The following MED26 variants were observed in gnomAD, a reference collection of about 807,000 sequenced individuals.
The protein encoded by MED26 is mediator complex subunit 26.
MED26 carries 7 observed loss-of-function variants against 43.7 expected under a neutral mutation model. That is an observed-to-expected ratio of 0.16 (90% CI 0.09 to 0.30). MED26 has a LOEUF of 0.30. Ranked by LOEUF, MED26 falls within the 10% of genes least tolerant of loss-of-function variation. The pLI, the probability that MED26 is intolerant of heterozygous loss-of-function variation, is 1.00. For synonymous variants in MED26, 375 were observed against 371.1 expected (o/e 1.01, Z -0.12); for missense variants, 784 against 840.6 (o/e 0.93, Z 0.83).
chr19:16,597,039 G>T (rs541933917), intron 1 of MED26, among the ~76,000 whole-genome samples: 1 of 152,336 alleles, frequency 6.6e-6, no homozygotes, highest in East Asian at 1.9e-4. Flanking sequence ...AGATGCCAGA[G>T]GGGAACAGTG....
chr19:16,604,988 C>T (rs2086165933), intron 1 of MED26, among the ~76,000 whole-genome samples: 1 of 152,180 alleles, frequency 6.6e-6, no homozygotes, highest in Non-Finnish European at 1.5e-5. Context: ...CAGCACCCAC[C>T]AGCAGTGCCA....
At chr19:16,588,078 AC>A (rs2122396721) in intron 1 of MED26, 1 of 152,318 alleles carries the variant, frequency 6.6e-6, no homozygotes, top group East Asian at 1.9e-4. Flanking sequence ...TGCAGAACTT[AC>A]GATTCTTACT....
intron 1 of MED26, among the ~76,000 whole-genome samples, chr19:16,615,731 G>C (rs1002592854): frequency 2.0e-5 from 3 of 150,820 alleles, no homozygotes; most frequent in African/African-American, 7.3e-5. Context: ...GGGAGGCAGA[G>C]CAAGACTCCA....
At chr19:16,601,076 G>C (rs761220504) in intron 1 of MED26, among the ~76,000 whole-genome samples, 6 of 152,024 alleles carry the variant, frequency 3.9e-5, no homozygotes, top group Admixed American at 3.9e-4. Context: ...TTTACAAGCA[G>C]CTAAGGCACA....
rs777358965 is a variant in MED26, at chr19:16,609,311, CA to C, written c.72+18560del. 3.2e-3 allele frequency among the ~76,000 whole-genome samples: 79 copies of C among 25,060 alleles called. 1 individual carries two copies. Among genetic ancestry groups the C allele is most frequent in the African/African-American group, 4.7e-3 (41 of 8,796 alleles). 16.4% of individuals were successfully genotyped at this position (25,060 alleles called of 152,430 possible). On this transcript the variant is annotated intron_variant, in intron 1 of 2. Coordinates refer to ENST00000263390, the MANE Select transcript of MED26 (RefSeq NM_004831.5). ...TGGGTGACAGAGCGAGACTCCGTCT[CA>C]AAAAAAAAAAAAAAAAAAAAAAAAA...
At chr19:16,608,438 C>T (rs1350758821) in intron 1 of MED26, among the ~76,000 whole-genome samples, 1 of 152,200 alleles carries the variant, frequency 6.6e-6, no homozygotes. Context: ...AGTCTCTTTC[C>T]CAACCTCACA....
chr19:16,599,160 T>TC (rs1347297925), intron 1 of MED26, among the ~76,000 whole-genome samples: 1 of 152,208 alleles, frequency 6.6e-6, no homozygotes, highest in Non-Finnish European at 1.5e-5. Context: ...CCATTTTTTT[T>TC]CTACTTCACT....
At chr19:16,594,784 G>A (rs2086112886) in intron 1 of MED26, among the ~76,000 whole-genome samples, 1 of 152,108 alleles carries the variant, frequency 6.6e-6, no homozygotes, top group South Asian at 2.1e-4. Flanking sequence ...GTCAACCACA[G>A]CCACAGAAAA....
rs2086012561 is a variant in MED26 at position 16,577,191 on chromosome 19, C to T, written c.639G>A (p.Glu213=). 6.2e-7 allele frequency: 1 copy of T among 1,613,192 alleles called. No homozygotes were observed. The highest frequency in any genetic ancestry group is 1.7e-5 in the Admixed American group (1 of 60,014). The change falls in exon 3 of 3, where the codon GAG becomes GAA. Residue 213 remains glutamate (E), a synonymous_variant. Coordinates refer to ENST00000263390, the MANE Select transcript of MED26 (RefSeq NM_004831.5). This position sits in a 1 kb window ranked among gnomAD's most constrained non-coding sequence, Gnocchi z 8.1. ...GPEGSRLERD[E]NDKHSGKIPV... ...GGATCTTGCCACTGTGCTTGTCATT[C>T]TCGTCACGCTCCAGGCGGCTGCCCT... is the stretch of plus-strand genomic sequence containing the variant.
intron 1 of MED26, among the ~76,000 whole-genome samples, chr19:16,583,577 G>C (rs959162767): frequency 1.3e-5 from 2 of 152,272 alleles, no homozygotes; most frequent in Non-Finnish European, 2.9e-5. Context: ...ATGCAGCAAG[G>C]AGCACTCTGG....
At chr19:16,618,727 C>G (rs1199040776) in intron 1 of MED26, among the ~76,000 whole-genome samples, 10 of 152,202 alleles carry the variant, frequency 6.6e-5, no homozygotes, top group African/African-American at 2.2e-4. Flanking sequence ...CTTGATGTCT[C>G]CTGGGAACAT....
Position 16,615,597 on chromosome 19 carries a change from T to A in MED26, c.72+12275A>T, listed in dbSNP as rs373185117. Among the ~76,000 whole-genome samples, 197 of 151,992 alleles carry A rather than the reference T, an allele frequency of 1.3e-3. 1 individual carries two copies. Among genetic ancestry groups the A allele is most frequent in the African/African-American group, 4.4e-3 (181 of 41,456 alleles). Reference sequence around the variant, plus strand: ...CCCTGTTTCTACTAAAAATACAAAATTAGCTGGGTGTGGTGGCAGGCGCCT... The same window carrying A: ...CCCTGTTTCTACTAAAAATACAAAAATAGCTGGGTGTGGTGGCAGGCGCCT... On this transcript the variant is annotated intron_variant, in intron 1 of 2. Coordinates refer to ENST00000263390, the MANE Select transcript of MED26 (RefSeq NM_004831.5).
At chr19:16,615,835 C>T (rs2086223763) in intron 1 of MED26, among the ~76,000 whole-genome samples, 2 of 152,168 alleles carry the variant, frequency 1.3e-5, no homozygotes, top group African/African-American at 4.8e-5. Context: ...CTCCTCTGAC[C>T]AGGTCTTAAT....
At chr19:16,615,753 G>GA (rs34085264) in intron 1 of MED26, among the ~76,000 whole-genome samples, 233 of 134,552 alleles carry the variant, frequency 1.7e-3, no homozygotes, top group Admixed American at 2.7e-3. Context: ...CTCTGGGGGA[G>GA]AAAAAAAAAA....
intron 1 of MED26, among the ~76,000 whole-genome samples, chr19:16,600,993 C>G (rs2086145891): frequency 6.6e-6 from 1 of 151,694 alleles, no homozygotes; most frequent in South Asian, 2.1e-4. Flanking sequence ...ACTGGGGAGG[C>G]TGAGGCACGA....
intron 1 of MED26, chr19:16,597,369 C>T (rs546394362): frequency 4.0e-4 from 159 of 398,598 alleles, no homozygotes; most frequent in South Asian, 3.3e-3. Flanking sequence ...ACACATTCTC[C>T]GACATTCCCA....
intron 1 of MED26, among the ~76,000 whole-genome samples, chr19:16,592,914 A>C (rs2086104505): frequency 6.6e-6 from 1 of 152,196 alleles, no homozygotes; most frequent in African/African-American, 2.4e-5. Flanking sequence ...CTCTGTTTTA[A>C]AAACACAAGT....
rs536018527 is a variant in MED26 at position 16,621,750 on chromosome 19, G to A, written c.72+6122C>T. 2.6e-5 allele frequency among the ~76,000 whole-genome samples: 4 copies of A among 152,204 alleles called. No individual in the cohort carries two copies. The South Asian group carries it at 8.3e-4, about 32-fold the overall frequency. ...AGCCATCTCACAGTGCCCCCAGACT[G>A]TGTTAAGTCAGCTCTGACAATAATC... On this transcript the variant is annotated intron_variant, in intron 1 of 2. Transcript: ENST00000263390.
Position 16,586,102 on chromosome 19 carries a change from A to G in MED26, c.73-7693T>C, listed in dbSNP as rs2086069580. ...GAGATCCCCAGCCTCTTGGGAATGC[A>G]GCTGTGGTAGCAAAGGGGAAACCCT... On this transcript the variant is annotated intron_variant, in intron 1 of 2. Coordinates refer to ENST00000263390, the MANE Select transcript of MED26 (RefSeq NM_004831.5). The surrounding 1 kb of genome is among the most constrained non-coding windows in gnomAD (Gnocchi z 5.1). Among the ~76,000 whole-genome samples, 1 of 152,216 alleles carries G rather than the reference A, an allele frequency of 6.6e-6. No individual in the cohort carries two copies. Among genetic ancestry groups the G allele is most frequent in the South Asian group, 2.1e-4 (1 of 4,832 alleles).
Sources: allele counts gnomAD v4.1 joint callset (sites outside exome capture counted in the v4.1 genomes callset), GRCh38; gene constraint gnomAD v4.1.1; non-coding constraint Gnocchi (gnomAD v3.1); transcripts MANE v1.5; gene names NCBI Gene and HGNC (gene_info 2026-07-23, HGNC 2026-07-21).